Variants in CFAP57 observed in about 807,000 individuals in gnomAD.
CFAP57 encodes the protein cilia and flagella associated protein 57.
Under a neutral mutation model 146.8 loss-of-function variants are expected in CFAP57, and 116 were observed. The ratio of observed to expected loss-of-function variants is 0.79; its 90% CI spans 0.68 to 0.92. The LOEUF (loss-of-function observed/expected upper bound fraction) is 0.92, where lower values mean the gene tolerates loss of function less well. CFAP57 is among the 40% of genes least tolerant of loss of function. The pLI, the probability that CFAP57 is intolerant of heterozygous loss-of-function variation, is 0.00. For synonymous variants in CFAP57, 518 were observed against 552.8 expected (o/e 0.94, Z 0.88); for missense variants, 1,377 against 1,527.2 (o/e 0.90, Z 1.64).
rs1325132966 is a variant in CFAP57, at chr1:43,232,612, A to G, written c.3114A>G (p.Arg1038=). Residue 1038 remains arginine (R), a synonymous_variant, in exon 19 of 23, where the codon AGA becomes AGG. Coordinates refer to ENST00000372492, the MANE Select transcript of CFAP57 (RefSeq NM_001378189.1). ...GAGCCACCGATCAGGAGATGCGCAG[A>G]GAGAGACAGAAGGTGTGAGGGTTTC... ...KLRATDQEMR[R]ERQKERDLEA... 2.3e-5 allele frequency: 35 copies of G among 1,541,918 alleles called. No homozygotes were observed. Among genetic ancestry groups the G allele is most frequent in the South Asian group, 1.1e-4 (9 of 83,288 alleles).
chr1:43,209,475 A>T (rs1644499593), intron 10 of CFAP57, among the ~76,000 whole-genome samples: 1 of 152,244 alleles, frequency 6.6e-6, no homozygotes, highest in Non-Finnish European at 1.5e-5. Context: ...TGCTTGGCAC[A>T]TAGTAAGTGC....
At chr1:43,180,294 G>A (rs1645351134) in intron 2 of CFAP57, among the ~76,000 whole-genome samples, 1 of 149,800 alleles carries the variant, frequency 6.7e-6, no homozygotes, top group South Asian at 2.1e-4. Context: ...TATACTTTAT[G>A]ACTGTATTGG....
chr1:43,222,860 G>T lies in CFAP57; in HGVS notation c.2569G>T (p.Glu857Ter). 6.5e-7 allele frequency: 1 copy of T among 1,549,698 alleles called. No homozygotes were observed. Among genetic ancestry groups the T allele is most frequent in the South Asian group, 1.2e-5 (1 of 83,882 alleles). ...EDVRQQLREF[E>*]ETKKQIEEDE... Reference sequence around the variant, plus strand: ...CGTCAGGCAGCAGCTGCGGGAGTTTGAAGAGACCAAGAAGCAGATTGAGGA... The same window carrying T: ...CGTCAGGCAGCAGCTGCGGGAGTTTTAAGAGACCAAGAAGCAGATTGAGGA... Residue 857 changes from glutamate (E) to a stop codon, truncating the protein, a stop_gained, in exon 16 of 23, where the codon GAA becomes TAA. Coordinates refer to ENST00000372492, the MANE Select transcript of CFAP57 (RefSeq NM_001378189.1). LOFTEE classifies it high-confidence loss of function.
At chr1:43,209,127 A>C (rs74403973) in intron 10 of CFAP57, among the ~76,000 whole-genome samples, 2,899 of 152,328 alleles carry the variant, frequency 0.019, 51 homozygotes, top group Non-Finnish European at 0.03. Flanking sequence ...AAACCATAGT[A>C]TATATAGGGT....
intron 6 of CFAP57, among the ~76,000 whole-genome samples, chr1:43,192,797 C>T (rs1238224717): frequency 6.6e-6 from 1 of 151,640 alleles, no homozygotes; most frequent in Non-Finnish European, 1.5e-5. Flanking sequence ...CGTGGTGGCA[C>T]ATGCCTGTAA....
intron 22 of CFAP57, among the ~76,000 whole-genome samples, chr1:43,253,013 T>C (rs1393953881): frequency 6.6e-6 from 1 of 152,052 alleles, no homozygotes; most frequent in Non-Finnish European, 1.5e-5. Context: ...AGAGGCAACA[T>C]TACAATAAGG....
intron 6 of CFAP57, among the ~76,000 whole-genome samples, chr1:43,192,282 G>A (rs1643584834): frequency 6.6e-6 from 1 of 152,126 alleles, no homozygotes; most frequent in Admixed American, 6.6e-5. Flanking sequence ...CAGATCTTCT[G>A]TTTCTTGTCA....
At chr1:43,174,403 A>G (rs1440653320) in intron 2 of CFAP57, among the ~76,000 whole-genome samples, 1 of 152,240 alleles carries the variant, frequency 6.6e-6, no homozygotes, top group Non-Finnish European at 1.5e-5. Flanking sequence ...TTGTCTATAG[A>G]TTATGCAGAG....
intron 5 of CFAP57, among the ~76,000 whole-genome samples, chr1:43,185,746 C>T (rs61542120): frequency 0.18 from 26,366 of 149,712 alleles, 3,379 homozygotes; most frequent in African/African-American, 0.34. Context: ...GGTGAAACCC[C>T]GTCTGTACTA....
intron 18 of CFAP57, among the ~76,000 whole-genome samples, chr1:43,230,237 C>T (rs899606944): frequency 4.6e-5 from 7 of 152,194 alleles, no homozygotes; most frequent in African/African-American, 7.2e-5. Context: ...ACATGATCTT[C>T]GGGAGCCCCG....
chr1:43,198,351 G>A, intron 7 of CFAP57, 130 bp from the exon 8 acceptor site: 5 of 1,046,422 alleles, frequency 4.8e-6, no homozygotes, highest in Non-Finnish European at 7.1e-6. Context: ...ATCTAGAAAA[G>A]AGAGGAACCA....
At chr1:43,251,120 T>C (rs1646314071) in intron 22 of CFAP57, among the ~76,000 whole-genome samples, 1 of 152,200 alleles carries the variant, frequency 6.6e-6, no homozygotes, top group South Asian at 2.1e-4. Flanking sequence ...GCAACCGAGC[T>C]GCCATGAGCA....
At chr1:43,217,280 G>A (rs142054050) in intron 12 of CFAP57, among the ~76,000 whole-genome samples, 1 of 152,302 alleles carries the variant, frequency 6.6e-6, no homozygotes, top group East Asian at 1.9e-4. Flanking sequence ...GCTGGGGAAT[G>A]ACTTAACATG....
intron 22 of CFAP57, among the ~76,000 whole-genome samples, chr1:43,250,854 G>A (rs1646307250): frequency 6.6e-6 from 1 of 152,120 alleles, no homozygotes; most frequent in Admixed American, 6.5e-5. Flanking sequence ...GAAACAGTCA[G>A]GGTGCTTCCC....
Position 43,185,336 on chromosome 1 carries a change from C to T in CFAP57, c.949C>T (p.Arg317Cys), listed in dbSNP as rs769072613. Reference protein sequence around the residue: ...FEKMEEKDFYRESREIRIPVD... With the variant: ...FEKMEEKDFYCESREIRIPVD... ...GAAGATGGAAGAAAAGGATTTTTAC[C>T]GTGAGAGCAGAGAAATCAGGGTAAG... Residue 317 changes from arginine to cysteine, a missense_variant, in exon 5 of 23, where the codon CGT becomes TGT. Coordinates refer to ENST00000372492, the MANE Select transcript of CFAP57 (RefSeq NM_001378189.1). 14 of 1,613,658 alleles carry T rather than the reference C, an allele frequency of 8.7e-6. No homozygotes were observed. Among genetic ancestry groups the T allele is most frequent in the Admixed American group, 3.3e-5 (2 of 59,972 alleles).
At position 43,253,966 on chromosome 1, in the gene CFAP57, GTCTCT is replaced by G; in HGVS notation, c.3539-9_3539-5del. The G allele has an allele frequency of 6.5e-7, 1 of 1,550,382 alleles. No homozygotes were observed. Among genetic ancestry groups the G allele is most frequent in the Non-Finnish European group, 8.7e-7 (1 of 1,146,830 alleles). On this transcript the variant is annotated splice_polypyrimidine_tract_variant and splice_region_variant and intron_variant, in intron 22 of 22. Transcript: ENST00000372492. ...TGGACAGGCCCACATGAGTCCTGTT[GTCTCT>G]TACAGAACCCAGCAGGGACATGCTC...
Position 43,254,286 on chromosome 1 carries a change from C to A in CFAP57, c.*95C>A. ...GCGGTTGGAGTCTGTATGGTCCCTG[C>A]AGCACTGACCCCAGCAACCTCTTTC... is the stretch of plus-strand genomic sequence containing the variant. On this transcript the variant is annotated 3_prime_UTR_variant, in exon 23 of 23. Coordinates refer to ENST00000372492, the MANE Select transcript of CFAP57 (RefSeq NM_001378189.1). 2.8e-6 allele frequency: 3 copies of A among 1,084,494 alleles called. No individual in the cohort carries two copies. The highest frequency in any genetic ancestry group is 1.7e-5 in the South Asian group (1 of 59,454). The allele number at this position is 1,084,494 out of a possible 1,614,324, so 67.2% of individuals were successfully genotyped here.
chr1:43,219,210 C>T (rs564543388), intron 12 of CFAP57, among the ~76,000 whole-genome samples, 172 bp from the exon 13 acceptor site: 1 of 152,308 alleles, frequency 6.6e-6, no homozygotes, highest in South Asian at 2.1e-4. Context: ...GCTCATATGT[C>T]TCCTCATTTT....
At chr1:43,252,878 T>C (rs778552447) in intron 22 of CFAP57, among the ~76,000 whole-genome samples, 2 of 152,166 alleles carry the variant, frequency 1.3e-5, no homozygotes, top group African/African-American at 4.8e-5. Flanking sequence ...GGGGAATTTG[T>C]GAGCTAAAAG....
Sources: allele counts gnomAD v4.1 joint callset (sites outside exome capture counted in the v4.1 genomes callset), GRCh38; gene constraint gnomAD v4.1.1; transcripts MANE v1.5; gene names NCBI Gene and HGNC (gene_info 2026-07-23, HGNC 2026-07-21).